PKNOX2: variants seen among roughly 807,000 people sequenced by gnomAD.
PKNOX2 encodes the protein PBX/knotted 1 homeobox 2.
In PKNOX2, 14 loss-of-function variants were observed where a neutral mutation model predicts 53.1. That is an observed-to-expected ratio of 0.26 (90% CI 0.17 to 0.41). The LOEUF is 0.41. Ranked by LOEUF, PKNOX2 falls within the 10% of genes least tolerant of loss-of-function variation. The pLI, the probability that PKNOX2 is intolerant of heterozygous loss-of-function variation, is 1.00. For synonymous variants in PKNOX2, 257 were observed against 242.8 expected, an observed-to-expected ratio of 1.06 and a Z score of -0.54; for missense variants, 496 against 602.8, an observed-to-expected ratio of 0.82 and a Z score of 1.85.
intron 2 of PKNOX2, among the ~76,000 whole-genome samples, chr11:125,236,755 T>C (rs1224013138): frequency 2.6e-5 from 4 of 152,070 alleles, no homozygotes; most frequent in African/African-American, 9.7e-5. Flanking sequence ...GGAGCCTGCC[T>C]TTTGGAGGGA....
At chr11:125,189,371 A>ATATATATATGTGTGTATATATATATG (rs1555111563) in intron 1 of PKNOX2, among the ~76,000 whole-genome samples, 23 of 79,674 alleles carry the variant, frequency 2.9e-4, no homozygotes, top group Non-Finnish European at 4.1e-4. Flanking sequence ...ATATATATGT[A>ATATATATATGTGTGTATATATATATG]TATATATATA....
chr11:125,341,787 C>T (rs1465690238), intron 3 of PKNOX2, among the ~76,000 whole-genome samples: 2 of 152,240 alleles, frequency 1.3e-5, no homozygotes, highest in African/African-American at 2.4e-5. Context: ...TTAGGTTGGG[C>T]GACGGAGGGA....
intron 2 of PKNOX2, among the ~76,000 whole-genome samples, chr11:125,288,449 T>C (rs1947061900): frequency 6.6e-6 from 1 of 152,228 alleles, no homozygotes; most frequent in Non-Finnish European, 1.5e-5. Flanking sequence ...ATTGAGGCCG[T>C]GGTGAGCCCG....
At chr11:125,269,614 C>T (rs1026400196) in intron 2 of PKNOX2, among the ~76,000 whole-genome samples, 1 of 152,144 alleles carries the variant, frequency 6.6e-6, no homozygotes, top group Admixed American at 6.5e-5. Flanking sequence ...TCTTTGTGTG[C>T]TTTTGGTTGA....
chr11:125,230,396 G>A (rs559943182), intron 1 of PKNOX2, among the ~76,000 whole-genome samples: 21 of 152,364 alleles, frequency 1.4e-4, no homozygotes, highest in Admixed American at 5.9e-4. Flanking sequence ...GAGGGTGCAC[G>A]GGTGGAACAG....
intron 2 of PKNOX2, among the ~76,000 whole-genome samples, chr11:125,282,555 C>A (rs1163827023): frequency 6.6e-6 from 1 of 152,176 alleles, no homozygotes; most frequent in Non-Finnish European, 1.5e-5. Flanking sequence ...ATTTCGAACA[C>A]GTTCCCAGGT....
chr11:125,169,027 G>A (rs945800542), intron 1 of PKNOX2, among the ~76,000 whole-genome samples: 18 of 152,186 alleles, frequency 1.2e-4, no homozygotes, highest in African/African-American at 4.3e-4. Flanking sequence ...GGTGAGAAAG[G>A]CTGTTATGAG....
chr11:125,246,654 T>A (rs1169011029), intron 2 of PKNOX2, among the ~76,000 whole-genome samples: 1 of 152,200 alleles, frequency 6.6e-6, no homozygotes, highest in Non-Finnish European at 1.5e-5. Flanking sequence ...TTTCTCCATC[T>A]ATTAAAGAAT....
chr11:125,204,724 G>A (rs541918423), intron 1 of PKNOX2, among the ~76,000 whole-genome samples: 2 of 152,234 alleles, frequency 1.3e-5, no homozygotes, highest in Admixed American at 6.5e-5. Context: ...TCTAAGGTTT[G>A]CCTTCTATTG....
intron 4 of PKNOX2, among the ~76,000 whole-genome samples, chr11:125,357,984 G>A (rs150094196): frequency 6.6e-6 from 1 of 152,156 alleles, no homozygotes; most frequent in Non-Finnish European, 1.5e-5. Flanking sequence ...TGTCCTCTTG[G>A]AGCTTAGAGT....
chr11:125,189,415 G>GTGTGTATATATA (rs1470001960), intron 1 of PKNOX2, among the ~76,000 whole-genome samples: 7 of 58,170 alleles, frequency 1.2e-4, no homozygotes, highest in African/African-American at 4.4e-4. Flanking sequence ...ATATATATAT[G>GTGTGTATATATA]TGTGTGTGTG....
chr11:125,208,852 G>T (rs1939473050), intron 1 of PKNOX2, among the ~76,000 whole-genome samples: 1 of 152,054 alleles, frequency 6.6e-6, no homozygotes, highest in Non-Finnish European at 1.5e-5. Context: ...GCATTCTGTG[G>T]ATGTGTTGAG....
intron 3 of PKNOX2, among the ~76,000 whole-genome samples, chr11:125,333,495 C>T (rs1950251366): frequency 6.6e-6 from 1 of 151,698 alleles, no homozygotes; most frequent in African/African-American, 2.4e-5. Flanking sequence ...GTAGAGGCAA[C>T]CTCAAATATC....
intron 1 of PKNOX2, among the ~76,000 whole-genome samples, chr11:125,203,769 C>T (rs756665375): frequency 2.0e-5 from 3 of 152,150 alleles, no homozygotes; most frequent in East Asian, 1.9e-4. Flanking sequence ...GGTCAGCAAA[C>T]GATTCACTTT....
intron 1 of PKNOX2, among the ~76,000 whole-genome samples, chr11:125,230,160 A>G (rs1942082100): frequency 6.6e-6 from 1 of 152,208 alleles, no homozygotes; most frequent in Admixed American, 6.5e-5. Context: ...GCTGAGGACT[A>G]GTGTGGAATT....
intron 9 of PKNOX2, chr11:125,411,516 C>CCCT (rs1955547318): frequency 6.3e-6 from 3 of 478,108 alleles, no homozygotes; most frequent in South Asian, 6.0e-5. Flanking sequence ...CTCTCCCCCC[C>CCCT]TTCCCCATCT....
chr11:125,278,269 C>T (rs1001982659), intron 2 of PKNOX2, among the ~76,000 whole-genome samples: 33 of 151,650 alleles, frequency 2.2e-4, no homozygotes, highest in African/African-American at 7.7e-4. Context: ...ACACACCCAT[C>T]TCCCACTTCT....
chr11:125,373,613 T>C (rs1280368329), intron 5 of PKNOX2, among the ~76,000 whole-genome samples: 1 of 152,202 alleles, frequency 6.6e-6, no homozygotes, highest in African/African-American at 2.4e-5. Context: ...AGGCAGGAGC[T>C]TGTGAGCCAG....
rs755919728 is a variant in PKNOX2 at position 125,166,473 on chromosome 11, C to A, written c.-201+1697C>A. On this transcript the variant is annotated intron_variant, in intron 1 of 12. Transcript: ENST00000298282. This position sits in a 1 kb window ranked among gnomAD's most constrained non-coding sequence, Gnocchi z 4.0. ...GATCGAAGAGACCTTCTGGGCGAAG[C>A]GGCAGGGCAGCCTCGCGGGGCTGGG... Among the ~76,000 whole-genome samples, 2 of 152,206 alleles carry A rather than the reference C, an allele frequency of 1.3e-5. No individual in the cohort carries two copies. The highest frequency in any genetic ancestry group is 1.9e-4 in the East Asian group (1 of 5,176).
Sources: allele counts gnomAD v4.1 joint callset (sites outside exome capture counted in the v4.1 genomes callset), GRCh38; gene constraint gnomAD v4.1.1; non-coding constraint Gnocchi (gnomAD v3.1); transcripts MANE v1.5; gene names NCBI Gene and HGNC (gene_info 2026-07-23, HGNC 2026-07-21).